Variants in TBXAS1 observed in about 807,000 individuals in gnomAD.
The protein encoded by TBXAS1 is thromboxane-A synthase.
TBXAS1 carries 48 observed loss-of-function variants against 60.7 expected under a neutral mutation model. That is an observed-to-expected ratio of 0.79 (90% CI 0.63 to 1.01). The LOEUF (loss-of-function observed/expected upper bound fraction) is 1.01. Among genes scored for constraint, TBXAS1 ranks in the 50% least tolerant of loss-of-function variants. TBXAS1 has a pLI of 0.00. For synonymous variants in TBXAS1, 287 were observed against 269.7 expected (o/e 1.06, Z -0.63); for missense variants, 685 against 686.3 (o/e 1.00, Z 0.02).
At chr7:139,810,196 C>T (rs1315308363) in intron 4 of TBXAS1, among the ~76,000 whole-genome samples, 1 of 152,058 alleles carries the variant, frequency 6.6e-6, no homozygotes, top group Non-Finnish European at 1.5e-5. Context: ...GCCACCAATG[C>T]CTGACTTTTT....
intron 1 of TBXAS1, among the ~76,000 whole-genome samples, chr7:139,854,333 G>A (rs918242661): frequency 1.3e-5 from 2 of 152,174 alleles, no homozygotes; most frequent in African/African-American, 4.8e-5. Flanking sequence ...ATGACTTACA[G>A]TGAGGCTAGC....
At chr7:139,905,033 T>A (rs547315431) in intron 3 of TBXAS1, among the ~76,000 whole-genome samples, 5 of 86,596 alleles carry the variant, frequency 5.8e-5, no homozygotes, top group Non-Finnish European at 1.1e-4. Context: ...CTTTCTTTCT[T>A]TCTTTCTTTC....
intron 9 of TBXAS1, among the ~76,000 whole-genome samples, chr7:139,997,025 A>G (rs1813347111): frequency 6.6e-6 from 1 of 152,166 alleles, no homozygotes; most frequent in Non-Finnish European, 1.5e-5. Context: ...ACACAAAGCC[A>G]TTTTCAGTAT....
chr7:139,835,458 G>C (rs1432805363), intron 1 of TBXAS1, among the ~76,000 whole-genome samples: 1 of 152,168 alleles, frequency 6.6e-6, no homozygotes, highest in Non-Finnish European at 1.5e-5. Flanking sequence ...TTTCATAACA[G>C]AGATGAAGGG....
chr7:139,878,592 T>C (rs1584749244), intron 3 of TBXAS1, among the ~76,000 whole-genome samples: 1 of 152,150 alleles, frequency 6.6e-6, no homozygotes, highest in Non-Finnish European at 1.5e-5. Context: ...ATGGTGGCGG[T>C]GTAAAAATGA....
intron 10 of TBXAS1, among the ~76,000 whole-genome samples, chr7:140,014,557 G>T (rs1814867302): frequency 6.6e-6 from 1 of 152,124 alleles, no homozygotes; most frequent in African/African-American, 2.4e-5. Context: ...AAATGTGTGT[G>T]TGCATGTGTG....
At chr7:139,793,624 G>A (rs1797460078) in intron 4 of TBXAS1, among the ~76,000 whole-genome samples, 1 of 152,174 alleles carries the variant, frequency 6.6e-6, no homozygotes, top group South Asian at 2.1e-4. Context: ...ATCACAATCT[G>A]CTGAAAGAGT....
chr7:139,819,502 G>T (rs1180884088), intron 4 of TBXAS1, among the ~76,000 whole-genome samples: 1 of 152,014 alleles, frequency 6.6e-6, no homozygotes, highest in Non-Finnish European at 1.5e-5. Flanking sequence ...CTCTTCTTTT[G>T]TTTGTTTGTT....
chr7:139,873,853 C>T (rs1387811009), intron 2 of TBXAS1, among the ~76,000 whole-genome samples: 1 of 152,156 alleles, frequency 6.6e-6, no homozygotes, highest in African/African-American at 2.4e-5. Context: ...GAACACCCTG[C>T]ATGGGAAGAA....
At chr7:139,780,107 G>A (rs993429998) in intron 1 of TBXAS1, among the ~76,000 whole-genome samples, 18 of 152,184 alleles carry the variant, frequency 1.2e-4, no homozygotes, top group African/African-American at 4.3e-4. Flanking sequence ...CTGAGCCTCA[G>A]TGTCTGTATT....
chr7:139,984,761 A>T (rs992072098), intron 9 of TBXAS1, among the ~76,000 whole-genome samples: 1 of 101,368 alleles, frequency 9.9e-6, no homozygotes, highest in Non-Finnish European at 2.1e-5. Context: ...AGAAAGAAAG[A>T]AAGCAGGAAA....
At position 139,957,703 on chromosome 7, in the gene TBXAS1, G is replaced by T. The variant is rs1344926915; in HGVS notation, c.758G>T (p.Gly253Val). The T allele has an allele frequency of 1.9e-6, 3 of 1,614,094 alleles. No individual in the cohort carries two copies. Among genetic ancestry groups the T allele is most frequent in the Admixed American group, 3.3e-5 (2 of 60,012 alleles). The change falls in exon 8 of 13, where the codon GGC becomes GTC. Residue 253 changes from glycine (G) to valine (V), a missense_variant. Coordinates refer to ENST00000448866, the MANE Select transcript of TBXAS1 (RefSeq NM_001061.7). ...LPNKNRDELNGFFNKLIRNVI... is the reference protein window; with the variant it reads ...LPNKNRDELNVFFNKLIRNVI... ...AATAAGAACCGAGACGAACTGAATG[G>T]CTTTTTTAACAAACTCATTAGGAAT...
intron 2 of TBXAS1, among the ~76,000 whole-genome samples, chr7:139,873,614 C>T (rs1233478833): frequency 6.6e-6 from 1 of 152,134 alleles, no homozygotes; most frequent in Non-Finnish European, 1.5e-5. Flanking sequence ...AGAAATAAAA[C>T]GTTGGGTGGG....
chr7:139,848,116 T>C (rs1248827926), intron 1 of TBXAS1, among the ~76,000 whole-genome samples: 1 of 150,784 alleles, frequency 6.6e-6, no homozygotes, highest in Non-Finnish European at 1.5e-5. Flanking sequence ...CAACCATCCC[T>C]GGCTAATTTT....
At chr7:139,910,138 G>A (rs1444926290) in intron 3 of TBXAS1, among the ~76,000 whole-genome samples, 1 of 152,010 alleles carries the variant, frequency 6.6e-6, no homozygotes, top group Non-Finnish European at 1.5e-5. Context: ...AGAACATCAC[G>A]CTGTATATTA....
intron 3 of TBXAS1, among the ~76,000 whole-genome samples, chr7:139,900,256 T>C (rs1352109288): frequency 6.6e-6 from 1 of 152,192 alleles, no homozygotes; most frequent in Non-Finnish European, 1.5e-5. Context: ...TCCAGTAAAC[T>C]ACAGAGATAA....
At position 139,965,467 on chromosome 7, in the gene TBXAS1, C is replaced by T. The variant is rs7789196; in HGVS notation, c.1134+3234C>T. 4.9e-3 allele frequency among the ~76,000 whole-genome samples: 749 copies of T among 152,222 alleles called. 7 individuals are homozygous for T. The highest frequency in any genetic ancestry group is 0.017 in the African/African-American group (719 of 41,502). On this transcript the variant is annotated intron_variant, in intron 9 of 12. Coordinates refer to ENST00000448866, the MANE Select transcript of TBXAS1 (RefSeq NM_001061.7). Reference sequence around the variant, plus strand: ...TTTTATTTTTTGAGATGGAGTCTCGCTCTGTCATCCAGGCTGGAGTGCAGT... The same window carrying T: ...TTTTATTTTTTGAGATGGAGTCTCGTTCTGTCATCCAGGCTGGAGTGCAGT...
At chr7:139,816,000 A>G (rs1390472917) in intron 4 of TBXAS1, among the ~76,000 whole-genome samples, 5 of 152,086 alleles carry the variant, frequency 3.3e-5, no homozygotes, top group Non-Finnish European at 5.9e-5. Flanking sequence ...TTGTCAAGGG[A>G]GGGATCTGGT....
intron 9 of TBXAS1, among the ~76,000 whole-genome samples, chr7:139,989,069 G>GATCCTCCCGGTGTTC (rs1812711377): frequency 6.6e-6 from 1 of 152,206 alleles, no homozygotes; most frequent in Non-Finnish European, 1.5e-5. Flanking sequence ...ACCTTTAGAA[G>GATCCTCCCGGTGTTC]ATCCTCCCGG....
Sources: gnomAD v4.1 joint callset for allele counts (sites outside exome capture counted in the v4.1 genomes callset) on GRCh38, gnomAD v4.1.1 for gene constraint, MANE v1.5 for transcripts, NCBI Gene and HGNC (gene_info 2026-07-23, HGNC 2026-07-21) for gene names.